The following SYBU variants were observed in gnomAD, a reference collection of about 807,000 sequenced individuals.
SYBU encodes the protein GOLSYN A protein.
SYBU carries 21 observed loss-of-function variants against 35.9 expected under a neutral mutation model. The observed-to-expected ratio is 0.58, with a 90% CI of 0.41 to 0.84. The LOEUF (loss-of-function observed/expected upper bound fraction) is 0.84. SYBU is among the 40% of genes least tolerant of loss of function. SYBU has a pLI of 0.00. For missense variants in SYBU, 768 were observed against 848.2 expected (o/e 0.91, Z 1.17); for synonymous variants, 319 against 324.3 (o/e 0.98, Z 0.18).
intron 3 of SYBU, among the ~76,000 whole-genome samples, chr8:109,593,201 G>C (rs537342719): frequency 1.3e-5 from 2 of 152,254 alleles, no homozygotes; most frequent in Admixed American, 6.5e-5. Context: ...ATATTATGAG[G>C]AAGAGAGCTC....
At chr8:109,650,829 A>G (rs918590828) in intron 1 of SYBU, among the ~76,000 whole-genome samples, 1 of 152,256 alleles carries the variant, frequency 6.6e-6, no homozygotes, top group African/African-American at 2.4e-5. Flanking sequence ...TTTCTTAAAA[A>G]AGGATACTAA....
At chr8:109,647,950 G>A (rs753793783), upstream of SYBU, 2 of 152,116 alleles carry the variant, frequency 1.3e-5, no homozygotes, top group Non-Finnish European at 2.9e-5. Flanking sequence ...TTTTACCGAT[G>A]ATAATATCTA....
chr8:109,631,080 G>T (rs1004721923), intron 2 of SYBU, among the ~76,000 whole-genome samples: 1 of 152,150 alleles, frequency 6.6e-6, no homozygotes. Context: ...GGTCACTCAT[G>T]TGCTCGCCAG....
chr8:109,595,666 C>T (rs1273364148), intron 3 of SYBU, among the ~76,000 whole-genome samples: 1 of 152,170 alleles, frequency 6.6e-6, no homozygotes, highest in African/African-American at 2.4e-5. Context: ...GGTTTTGAAG[C>T]CATTTACAAC....
intron 1 of SYBU, among the ~76,000 whole-genome samples, chr8:109,655,921 C>T (rs1816335214): frequency 6.6e-6 from 1 of 152,064 alleles, no homozygotes; most frequent in Admixed American, 6.6e-5. Flanking sequence ...TTGAGACCAG[C>T]CTGGCCAACA....
chr8:109,574,876 A>C lies in SYBU; in HGVS notation c.*30T>G. On this transcript the variant is annotated 3_prime_UTR_variant, in exon 7 of 7. Coordinates refer to ENST00000276646, the MANE Select transcript of SYBU (RefSeq NM_001099754.2). ...CTACCTGGCACAACCCACATGGGAC[A>C]CATTGGCACACGGTAACAACAACTT... 1 of 1,509,404 alleles carries C rather than the reference A, an allele frequency of 6.6e-7. No individual in the cohort carries two copies. Among genetic ancestry groups the C allele is most frequent in the South Asian group, 1.4e-5 (1 of 73,072 alleles). The allele number at this position is 1,509,404 out of a possible 1,614,324, so 93.5% of individuals were successfully genotyped here.
upstream of SYBU, among the ~76,000 whole-genome samples, chr8:109,685,142 G>A (rs147884081): frequency 7.2e-5 from 11 of 152,170 alleles, no homozygotes; most frequent in South Asian, 2.1e-4. Flanking sequence ...CTTAACTTTC[G>A]TCATTTGTAA....
chr8:109,624,341 A>C (rs570858172), intron 2 of SYBU, among the ~76,000 whole-genome samples: 13 of 152,342 alleles, frequency 8.5e-5, no homozygotes, highest in Middle Eastern at 6.8e-3. Flanking sequence ...TTATTGTAAA[A>C]AGTGTTCCTA....
intron 2 of SYBU, among the ~76,000 whole-genome samples, chr8:109,628,530 A>G (rs1164800832): frequency 6.6e-6 from 1 of 151,904 alleles, no homozygotes; most frequent in Non-Finnish European, 1.5e-5. Flanking sequence ...TTTTTTGTAA[A>G]TAGGATCTCA....
At chr8:109,618,814 T>C in intron 3 of SYBU, 28 bp downstream of exon 3, 1 of 1,606,648 alleles carries the variant, frequency 6.2e-7, no homozygotes, top group Non-Finnish European at 8.5e-7. Context: ...ATTGTTCTGA[T>C]GAAAACATGA....
chr8:109,594,758 T>C (rs1824674582), intron 3 of SYBU, among the ~76,000 whole-genome samples: 1 of 152,172 alleles, frequency 6.6e-6, no homozygotes, highest in African/African-American at 2.4e-5. Flanking sequence ...CTCCACTGCA[T>C]TTAAACAGAG....
At chr8:109,663,524 G>A (rs528297513) in intron 1 of SYBU, among the ~76,000 whole-genome samples, 5 of 151,964 alleles carry the variant, frequency 3.3e-5, no homozygotes, top group African/African-American at 4.8e-5. Context: ...GAAACTGGTC[G>A]GTAAGTGCAT....
At chr8:109,655,374 G>A (rs114332179) in intron 1 of SYBU, among the ~76,000 whole-genome samples, 3,701 of 152,278 alleles carry the variant, frequency 0.024, 143 homozygotes, top group African/African-American at 0.085. Flanking sequence ...TTACATTAAA[G>A]CTATGATGAA....
At chr8:109,670,500 T>C (rs1465245280) in intron 1 of SYBU, among the ~76,000 whole-genome samples, 1 of 152,034 alleles carries the variant, frequency 6.6e-6, no homozygotes, top group Non-Finnish European at 1.5e-5. Context: ...CAAATAATTT[T>C]CATGTATACT....
At chr8:109,651,566 C>A (rs1390908619) in intron 1 of SYBU, among the ~76,000 whole-genome samples, 1 of 148,310 alleles carries the variant, frequency 6.7e-6, no homozygotes, top group Admixed American at 6.9e-5. Context: ...AAAGAAGAAC[C>A]AGTTGCACTA....
Position 109,641,483 on chromosome 8 carries a change from T to G in SYBU, c.229+1245A>C, listed in dbSNP as rs564395658. On this transcript the variant is annotated intron_variant, in intron 2 of 6. Transcript: ENST00000276646. Reference sequence around the variant, plus strand: ...TGTAACAACTAAGGCTTAAGGAGGTTAAGCAACTTGCTGAAGGTCACACAG... The same window carrying G: ...TGTAACAACTAAGGCTTAAGGAGGTGAAGCAACTTGCTGAAGGTCACACAG... 2.0e-5 allele frequency among the ~76,000 whole-genome samples: 3 copies of G among 152,368 alleles called. No homozygotes were observed. In the South Asian group the frequency reaches 6.2e-4, roughly 32 times the overall value.
At chr8:109,598,692 T>A (rs1312021775) in intron 3 of SYBU, among the ~76,000 whole-genome samples, 1 of 152,198 alleles carries the variant, frequency 6.6e-6, no homozygotes, top group East Asian at 1.9e-4. Context: ...ATCTAAGTAA[T>A]GTGATTTAAG....
chr8:109,625,728 G>C (rs1419860041), intron 2 of SYBU, among the ~76,000 whole-genome samples: 1 of 152,030 alleles, frequency 6.6e-6, no homozygotes, highest in Non-Finnish European at 1.5e-5. Context: ...GCCAAACATA[G>C]GATTTTTAAA....
chr8:109,577,862 ATTCACCT>A lies in SYBU; in HGVS notation c.883_884+5del. On this transcript the variant is annotated splice_donor_variant and splice_donor_5th_base_variant and coding_sequence_variant and intron_variant, in exon 6 of 7. Transcript: ENST00000276646. LOFTEE classifies it high-confidence loss of function. ...ACACCCCACCGTTCAAGGAAGGCAG[ATTCACCT>A]TTCATGGAGTCGGCGCTCAGATTCC... 6.2e-7 allele frequency: 1 copy of A among 1,609,902 alleles called. No homozygotes were observed. The highest frequency in any genetic ancestry group is 8.5e-7 in the Non-Finnish European group (1 of 1,177,784).
Sources: allele counts gnomAD v4.1 joint callset (sites outside exome capture counted in the v4.1 genomes callset), GRCh38; gene constraint gnomAD v4.1.1; transcripts MANE v1.5; gene names NCBI Gene and HGNC (gene_info 2026-07-23, HGNC 2026-07-21).